The following TTN variants were observed in gnomAD, a reference collection of about 807,000 sequenced individuals.
The protein encoded by TTN is connectin.
A neutral mutation model predicts 3,223.0 loss-of-function variants in TTN; 1,525 were observed. That is an observed-to-expected ratio of 0.47 (90% CI 0.45 to 0.49). The LOEUF is 0.49. Ranked by LOEUF, TTN falls within the 20% of genes least tolerant of loss-of-function variation. TTN has a pLI of 0.00. For synonymous variants in TTN, 14,094 were observed against 15,161.0 expected (o/e 0.93, Z 5.17); for missense variants, 40,786 against 43,424.0 (o/e 0.94, Z 5.40).
rs1162709129 is a variant in TTN, at chr2:178,532,796, G to A, written c.103819C>T (p.Pro34607Ser). The A allele has an allele frequency of 6.2e-7, 1 of 1,613,944 alleles. No individual in the cohort carries two copies. Among genetic ancestry groups the A allele is most frequent in the Admixed American group, 1.7e-5 (1 of 60,014 alleles). The part of the protein sequence containing the change: ...LSRWEQFYVM[P>S]LPRITDQYRP... ...TATTGATCTGTAATGCGTGGAAGAG[G>A]CATCACATAGAACTGTTCCCATCTT... Residue 34607 changes from proline to serine, a missense_variant, in exon 358 of 363, where the codon CCT (proline) becomes TCT (serine). By Grantham distance (74) the Pro-to-Ser change is moderately conservative (BLOSUM62 -1). Coordinates refer to ENST00000589042, the MANE Select transcript of TTN (RefSeq NM_001267550.2).
chr2:178,752,893 A>C (rs878941668), intron 47 of TTN, among the ~76,000 whole-genome samples: 1 of 152,112 alleles, frequency 6.6e-6, no homozygotes, highest in Non-Finnish European at 1.5e-5. Context: ...AATTTGGCTG[A>C]TAAATTTTAA....
At position 178,578,953 on chromosome 2, in the gene TTN, T is replaced by C. The variant is rs1261128653; in HGVS notation, c.68077A>G (p.Thr22693Ala). The change falls in exon 320 of 363, where the codon ACG (threonine) becomes GCG (alanine). Residue 22693 changes from threonine to alanine, a missense_variant. Physicochemically the swap from Thr to Ala is moderately conservative, Grantham distance 58. Transcript: ENST00000589042. Reference protein sequence around the residue: ...KRDSVNNKWVTCASAVQKTTF... With the variant: ...KRDSVNNKWVACASAVQKTTF... ...GTTTTCTGGACAGCTGAGGCGCACG[T>C]CACCCACTTGTTGTTCACAGAATCC... The C allele has an allele frequency of 6.2e-7, 1 of 1,613,254 alleles. No individual in the cohort carries two copies. Among genetic ancestry groups the C allele is most frequent in the East Asian group, 2.2e-5 (1 of 44,742 alleles).
Position 178,695,869 on chromosome 2 carries a change from AT to A in TTN, c.31202del (p.Tyr10401LeufsTer25). ...AGTCATTCAGTTTATACATACCTTCATAGACCTCCTTTTGAACTTGAATTAC... is the reference window on the plus strand; with the variant it reads ...AGTCATTCAGTTTATACATACCTTCAAGACCTCCTTTTGAACTTGAATTAC... The part of the protein sequence containing the change: ...REVIQVQKEV[Y>X]EESHERKVPA... On this transcript the variant is annotated frameshift_variant, in exon 114 of 363. Transcript: ENST00000589042. LOFTEE classifies it high-confidence loss of function. 1 of 1,453,542 alleles carries A rather than the reference AT, an allele frequency of 6.9e-7. No individual in the cohort carries two copies. Among genetic ancestry groups the A allele is most frequent in the Non-Finnish European group, 9.1e-7 (1 of 1,103,632 alleles). 90.0% of individuals were successfully genotyped at this position (1,453,542 alleles called of 1,614,324 possible).
intron 2 of TTN, among the ~76,000 whole-genome samples, chr2:178,802,628 C>A (rs377694922): frequency 2.6e-5 from 4 of 152,318 alleles, no homozygotes; most frequent in South Asian, 4.1e-4. Context: ...CTCCTGCCTG[C>A]CTGCCTAGGG....
At position 178,572,750 on chromosome 2, in the gene TTN, T is replaced by C; in HGVS notation, c.73382A>G (p.Lys24461Arg). 6.2e-7 allele frequency: 1 copy of C among 1,613,504 alleles called. No homozygotes were observed. Among genetic ancestry groups the C allele is most frequent in the East Asian group, 2.2e-5 (1 of 44,798 alleles). ...AGATTCTCCATGGTCCCGGGCCCAC[T>C]TCACCTCAGGTGCAGGCCTTCCTTT... ...PIKGRPAPEV[K>R]WARDHGESLD... The change falls in exon 326 of 363, where the codon AAG (lysine) becomes AGG (arginine). Residue 24461 changes from lysine (K) to arginine (R), a missense_variant. Physicochemically the swap from Lys to Arg is conservative, Grantham distance 26. Coordinates refer to ENST00000589042, the MANE Select transcript of TTN (RefSeq NM_001267550.2).
rs755403949 is a variant in TTN, at chr2:178,565,645, A to G, written c.80487T>C (p.Ile26829=). The G allele has an allele frequency of 6.2e-6, 10 of 1,613,422 alleles. No homozygotes were observed. In the South Asian group the frequency reaches 1.1e-4, roughly 18 times the overall value. ...MQPKGTEKWS[I]VAESKVCNAV... is the part of the protein sequence containing the mutation. ...CATTACAGACTTTGGATTCAGCCAC[A>G]ATGCTCCATTTTTCAGTTCCTTTGG... is the stretch of plus-strand genomic sequence containing the variant. The change falls in exon 326 of 363, where the codon ATT becomes ATC. Residue 26829 remains isoleucine, a synonymous_variant. Coordinates refer to ENST00000589042, the MANE Select transcript of TTN (RefSeq NM_001267550.2).
chr2:178,575,416 T>C lies in TTN; in HGVS notation c.70716A>G (p.Gln23572=), dbSNP rs747703704. The stretch of plus-strand genomic sequence containing the variant: ...GGGTCCACTGGTCAGAGCCTTTTCT[T>C]TGGGCTTCAATCACATAGCCAGTGA... ...SKITGYVIEA[Q]RKGSDQWTHI... The change falls in exon 326 of 363, where the codon CAA becomes CAG. Residue 23572 remains glutamine (Q), a synonymous_variant. Transcript: ENST00000589042. The surrounding 1 kb of genome is among the most constrained non-coding windows in gnomAD (Gnocchi z 4.0). 1.9e-6 allele frequency: 3 copies of C among 1,613,632 alleles called. No individual in the cohort carries two copies. Among genetic ancestry groups the C allele is most frequent in the East Asian group, 2.2e-5 (1 of 44,818 alleles).
Position 178,718,803 on chromosome 2 carries a change from T to C in TTN, c.24397A>G (p.Thr8133Ala), listed in dbSNP as rs2077893682. The C allele has an allele frequency of 6.2e-7, 1 of 1,613,780 alleles. No individual in the cohort carries two copies. The highest frequency in any genetic ancestry group is 8.5e-7 in the Non-Finnish European group (1 of 1,179,752). The change falls in exon 84 of 363, where the codon ACA becomes GCA. Residue 8133 changes from threonine (T) to alanine (A), a missense_variant. By Grantham distance (58) the Thr-to-Ala change is moderately conservative (BLOSUM62 0). Transcript: ENST00000589042. ...SCNISLEDFV[T>A]ELELFEVQPL... is the part of the protein sequence containing the mutation. ...TGCACCTCAAACAACTCCAGTTCTG[T>C]GACAAAATCTTCCAGAGAGATGTTG...
rs367548442 is a variant in TTN at position 178,631,254 on chromosome 2, T to C, written c.43794A>G (p.Val14598=). The C allele has an allele frequency of 2.5e-6, 4 of 1,611,940 alleles. No individual in the cohort carries two copies. The highest frequency in any genetic ancestry group is 1.3e-5 in the African/African-American group (1 of 75,022). Residue 14598 remains valine, a synonymous_variant, in exon 237 of 363, where the codon GTA becomes GTG. Coordinates refer to ENST00000589042, the MANE Select transcript of TTN (RefSeq NM_001267550.2). ...FTGKLQDYTG[V]EKDEVILQCE... ...ACTGTAGAATAACTTCATCTTTCTCTACACCAGTATAATCTTGAAGTTTTC... is the reference window on the plus strand; with the variant it reads ...ACTGTAGAATAACTTCATCTTTCTCCACACCAGTATAATCTTGAAGTTTTC...
rs1195060911 is a variant in TTN, at chr2:178,734,288, G to T, written c.15496+40C>A. 2.6e-6 allele frequency: 4 copies of T among 1,511,990 alleles called. No homozygotes were observed. The South Asian group carries it at 4.1e-5, about 16-fold the overall frequency. The allele number at this position is 1,511,990 out of a possible 1,614,324, so 93.7% of individuals were successfully genotyped here. ...TTCCATGGGGTAAGAAAGCTAGTTT[G>T]ACAATTTATTAAAGAGACATTAGTT... On this transcript the variant is annotated intron_variant, in intron 52 of 362. Coordinates refer to ENST00000589042, the MANE Select transcript of TTN (RefSeq NM_001267550.2).
At position 178,617,835 on chromosome 2, in the gene TTN, A is replaced by G. The variant is rs764388462; in HGVS notation, c.47516T>C (p.Ile15839Thr). The G allele has an allele frequency of 6.2e-5, 100 of 1,612,470 alleles. No individual in the cohort carries two copies. The highest frequency in any genetic ancestry group is 6.7e-5 in the East Asian group (3 of 44,722). Residue 15839 changes from isoleucine (I) to threonine (T), a missense_variant, in exon 253 of 363, where the codon ATT becomes ACT. By Grantham distance (89) the Ile-to-Thr change is moderately conservative (BLOSUM62 -1). Transcript: ENST00000589042. ...YSFRVRAQNR[I>T]GVGKPSAATP... is the part of the protein sequence containing the mutation. ...GGCTGCACTTGGTTTTCCAACTCCA[A>G]TTCGATTTTGGGCTCTCACTCGGAA...
chr2:178,766,457 C>G lies in TTN; in HGVS notation c.9627G>C (p.Glu3209Asp), dbSNP rs1022645763. 4 of 1,614,030 alleles carry G rather than the reference C, an allele frequency of 2.5e-6. No individual in the cohort carries two copies. Among genetic ancestry groups the G allele is most frequent in the Non-Finnish European group, 3.4e-6 (4 of 1,180,020 alleles). The change falls in exon 41 of 363, where the codon GAG becomes GAC. Residue 3209 changes from glutamate to aspartate, a missense_variant. Transcript: ENST00000589042. ...ERRIHRMFIS[E>D]TRQSDAGEYT... ...ATTCTCCTGCATCGCTCTGTCTGGTCTCAGAGATAAACATTCGGTGGATTC... is the reference window on the plus strand; with the variant it reads ...ATTCTCCTGCATCGCTCTGTCTGGTGTCAGAGATAAACATTCGGTGGATTC...
At chr2:178,609,135 C>A (rs371944210) in intron 273 of TTN, 73 bp downstream of exon 273, 2 of 1,418,506 alleles carry the variant, frequency 1.4e-6, no homozygotes, top group Admixed American at 3.2e-5. Flanking sequence ...TCTTTTAACT[C>A]TCTCCCAAAC....
intron 149 of TTN, chr2:178,675,344 T>A (rs1262216771): frequency 2.6e-6 from 1 of 391,404 alleles, no homozygotes; most frequent in Non-Finnish European, 4.4e-6. Flanking sequence ...AGCCTCTATT[T>A]CTTTTTTCTT....
chr2:178,682,459 G>T (rs2069668814), intron 135 of TTN, among the ~76,000 whole-genome samples: 2 of 151,862 alleles, frequency 1.3e-5, no homozygotes, highest in Admixed American at 6.6e-5. Flanking sequence ...AAATGAGGGG[G>T]GTATTAGATT....
intron 146 of TTN, 147 bp downstream of exon 146, chr2:178,677,474 C>T: frequency 1.2e-6 from 1 of 841,512 alleles, no homozygotes; most frequent in Non-Finnish European, 1.7e-6. Context: ...ACAATAAGAA[C>T]ACACATGTCT....
At chr2:178,649,929 A>T (rs2062667420) in intron 210 of TTN, 35 bp from the exon 211 acceptor site, 2 of 1,586,904 alleles carry the variant, frequency 1.3e-6, no homozygotes, top group East Asian at 4.5e-5. Context: ...GAATTAGGTG[A>T]TTACAATGAA....
At chr2:178,800,787 C>A in intron 3 of TTN, 105 bp from the exon 4 acceptor site, 1 of 1,280,486 alleles carries the variant, frequency 7.8e-7, no homozygotes, top group Non-Finnish European at 1.1e-6. Context: ...GATGACTCGC[C>A]AATCTAAACA....
chr2:178,719,733 G>A lies in TTN; in HGVS notation c.23759C>T (p.Ala7920Val). The A allele has an allele frequency of 6.2e-7, 1 of 1,613,642 alleles. No homozygotes were observed. The highest frequency in any genetic ancestry group is 8.5e-7 in the Non-Finnish European group (1 of 1,179,690). ...CVVTGTPELS[A>V]KWFKDGRELS... ...TTCTCTTCCATCTTTGAACCACTTG[G>A]CTGAGAGTTCTGGTGTTCCAGTCAC... is the stretch of plus-strand genomic sequence containing the variant. Residue 7920 changes from alanine (A) to valine (V), a missense_variant, in exon 82 of 363, where the codon GCC becomes GTC. Physicochemically the swap from Ala to Val is moderately conservative, Grantham distance 64. Coordinates refer to ENST00000589042, the MANE Select transcript of TTN (RefSeq NM_001267550.2).
Sources: gnomAD v4.1 joint callset for allele counts (sites outside exome capture counted in the v4.1 genomes callset) on GRCh38, gnomAD v4.1.1 for gene constraint, Gnocchi (gnomAD v3.1) non-coding constraint, MANE v1.5 for transcripts, NCBI Gene and HGNC (gene_info 2026-07-23, HGNC 2026-07-21) for gene names.